OPCML: variants seen among roughly 807,000 people sequenced by gnomAD.
The protein encoded by OPCML is opioid-binding protein/cell adhesion molecule.
OPCML carries 13 observed loss-of-function variants against 37.8 expected under a neutral mutation model. That is an observed-to-expected ratio of 0.34 (90% CI 0.22 to 0.55). The LOEUF (loss-of-function observed/expected upper bound fraction) is 0.55, where lower values mean the gene tolerates loss of function less well. OPCML is among the 20% of genes least tolerant of loss of function. OPCML has a pLI of 0.91. For missense variants in OPCML, 341 were observed against 435.6 expected (o/e 0.78, Z 1.93); for synonymous variants, 176 against 168.8 (o/e 1.04, Z -0.33).
At chr11:132,641,159 T>G (rs571084222) in intron 3 of OPCML, among the ~76,000 whole-genome samples, 2 of 152,256 alleles carry the variant, frequency 1.3e-5, no homozygotes, top group South Asian at 4.2e-4. Context: ...GCACTAAGGC[T>G]CACCTTACTC....
At chr11:132,963,022 A>G (rs578110778) in intron 1 of OPCML, among the ~76,000 whole-genome samples, 2 of 152,242 alleles carry the variant, frequency 1.3e-5, no homozygotes, top group East Asian at 3.9e-4. Flanking sequence ...GCAGCCGTGA[A>G]GCCTGACGTG....
chr11:133,250,901 T>A (rs999524678), intron 1 of OPCML, among the ~76,000 whole-genome samples: 3 of 152,074 alleles, frequency 2.0e-5, no homozygotes, highest in Non-Finnish European at 2.9e-5. Flanking sequence ...ATGCCTCCCA[T>A]TCCCCTTCAC....
intron 4 of OPCML, among the ~76,000 whole-genome samples, chr11:132,507,570 T>C (rs1035660852): frequency 1.3e-5 from 2 of 151,260 alleles, no homozygotes; most frequent in Non-Finnish European, 3.0e-5. Context: ...AATTCAAAGG[T>C]AAAATTTCTG....
At chr11:133,266,619 G>A (rs1221739533) in intron 1 of OPCML, among the ~76,000 whole-genome samples, 1 of 152,062 alleles carries the variant, frequency 6.6e-6, no homozygotes, top group Non-Finnish European at 1.5e-5. Context: ...GCATGTATTA[G>A]GATCTCAATA....
At chr11:132,694,916 C>T (rs921355902) in intron 2 of OPCML, among the ~76,000 whole-genome samples, 1 of 151,792 alleles carries the variant, frequency 6.6e-6, no homozygotes, top group South Asian at 2.1e-4. Context: ...CTATAGACTA[C>T]GTATGATAGA....
intron 3 of OPCML, among the ~76,000 whole-genome samples, chr11:132,651,762 A>T (rs913323311): frequency 6.6e-6 from 1 of 152,238 alleles, no homozygotes; most frequent in South Asian, 2.1e-4. Flanking sequence ...CACCAGGCTA[A>T]GAGATGTAGA....
intron 2 of OPCML, among the ~76,000 whole-genome samples, chr11:132,932,482 T>C (rs1277270190): frequency 6.6e-6 from 1 of 152,030 alleles, no homozygotes; most frequent in East Asian, 1.9e-4. Flanking sequence ...TTTCTCCCTC[T>C]TTTTATCCCT....
At chr11:133,351,818 C>T (rs1592225069) in intron 1 of OPCML, among the ~76,000 whole-genome samples, 1 of 152,048 alleles carries the variant, frequency 6.6e-6, no homozygotes, top group Admixed American at 6.6e-5. Flanking sequence ...ATGCCATACC[C>T]CCCACACAAA....
intron 1 of OPCML, among the ~76,000 whole-genome samples, chr11:133,379,371 C>T (rs1460128300): frequency 6.6e-6 from 1 of 152,230 alleles, no homozygotes; most frequent in African/African-American, 2.4e-5. Flanking sequence ...CAGCTGAGCT[C>T]TTTAGAGAGC....
chr11:133,252,534 C>A (rs1941169187), intron 1 of OPCML, among the ~76,000 whole-genome samples: 1 of 152,098 alleles, frequency 6.6e-6, no homozygotes, highest in Non-Finnish European at 1.5e-5. Context: ...CTCTGGAGGT[C>A]CCATTTCTGA....
chr11:132,516,773 G>T (rs773019711), intron 4 of OPCML, among the ~76,000 whole-genome samples: 2 of 152,124 alleles, frequency 1.3e-5, no homozygotes, highest in South Asian at 4.2e-4. Context: ...GTAGGCATGC[G>T]TGCATTAAAT....
chr11:133,428,110 C>T (rs909015566), intron 1 of OPCML, among the ~76,000 whole-genome samples: 2 of 152,138 alleles, frequency 1.3e-5, no homozygotes, highest in African/African-American at 4.8e-5. Context: ...TAAAAAACCA[C>T]CCACTGCAAC....
intron 3 of OPCML, among the ~76,000 whole-genome samples, chr11:132,642,435 A>AAC (rs58377067): frequency 0.047 from 7,139 of 152,234 alleles, 375 homozygotes; most frequent in African/African-American, 0.13. Context: ...ATCACACATA[A>AAC]ACACACACAC....
intron 1 of OPCML, among the ~76,000 whole-genome samples, chr11:133,014,537 T>C (rs1947283271): frequency 6.6e-6 from 1 of 152,206 alleles, no homozygotes. Context: ...CAAGTATCAC[T>C]AGCCATCTGT....
intron 1 of OPCML, chr11:133,004,124 C>T (rs2136856141): frequency 3.0e-6 from 3 of 985,392 alleles, no homozygotes; most frequent in Non-Finnish European, 3.6e-6. Flanking sequence ...GACACCCACA[C>T]ATCTCAAAAG....
chr11:133,015,927 G>A (rs1228339901), intron 1 of OPCML, among the ~76,000 whole-genome samples: 1 of 152,068 alleles, frequency 6.6e-6, no homozygotes, highest in African/African-American at 2.4e-5. Context: ...CAGCTTTGCT[G>A]AGCTCCCTTC....
chr11:132,720,070 T>C lies in OPCML; in HGVS notation c.147-62751A>G, dbSNP rs191848275. ...GCTACTAAGTGTGCCGGTAAAATGC[T>C]TGCACTGGAAAGGGAAATATCTCAT... On this transcript the variant is annotated intron_variant, in intron 2 of 7. Transcript: ENST00000524381. 1.8e-3 allele frequency among the ~76,000 whole-genome samples: 275 copies of C among 152,352 alleles called. 1 individual carries two copies. The highest frequency in any genetic ancestry group is 6.3e-3 in the African/African-American group (264 of 41,600).
intron 4 of OPCML, among the ~76,000 whole-genome samples, chr11:132,449,678 C>A (rs1346037962): frequency 6.6e-6 from 1 of 152,166 alleles, no homozygotes; most frequent in African/African-American, 2.4e-5. Flanking sequence ...TCAGCACCAA[C>A]AGGTTCAGAG....
At chr11:133,469,979 C>T (rs1293324785) in intron 1 of OPCML, among the ~76,000 whole-genome samples, 2 of 152,218 alleles carry the variant, frequency 1.3e-5, no homozygotes, top group Admixed American at 6.5e-5. Context: ...ACTTAGACAG[C>T]ATTGCCTTAC....
Sources: allele counts gnomAD v4.1 joint callset (sites outside exome capture counted in the v4.1 genomes callset), GRCh38; gene constraint gnomAD v4.1.1; transcripts MANE v1.5; gene names NCBI Gene and HGNC (gene_info 2026-07-23, HGNC 2026-07-21).